The following ACACB variants were observed in gnomAD, a reference collection of about 807,000 sequenced individuals.
ACACB encodes the protein acetyl-CoA carboxylase 2.
Under a neutral mutation model 278.8 loss-of-function variants are expected in ACACB, and 209 were observed. The ratio of observed to expected loss-of-function variants is 0.75; its 90% CI spans 0.67 to 0.84. The LOEUF is 0.84. Among genes scored for constraint, ACACB ranks in the 40% least tolerant of loss-of-function variants. The probability of loss-of-function intolerance (pLI) is 0.00; values close to 1 mark genes in which losing one functional copy is unlikely to be tolerated. For missense variants in ACACB, 2,850 were observed against 3,269.0 expected (o/e 0.87, Z 3.13); for synonymous variants, 1,174 against 1,285.6 (o/e 0.91, Z 1.86).
At chr12:109,244,012 T>C (rs1054469234) in intron 37 of ACACB, among the ~76,000 whole-genome samples, 10 of 152,080 alleles carry the variant, frequency 6.6e-5, no homozygotes, top group African/African-American at 2.4e-4. Context: ...CTAAAGAGCT[T>C]CTGCACAGCA....
chr12:109,126,124 G>T (rs1458034723), intron 1 of ACACB, among the ~76,000 whole-genome samples: 1 of 152,220 alleles, frequency 6.6e-6, no homozygotes, highest in Non-Finnish European at 1.5e-5. Flanking sequence ...ACAGCAGGGG[G>T]AGAAGCGAAG....
At chr12:109,113,657 A>G (rs2042350570), upstream of ACACB, among the ~76,000 whole-genome samples, 1 of 152,230 alleles carries the variant, frequency 6.6e-6, no homozygotes, top group African/African-American at 2.4e-5. Context: ...CTCTGTTCAA[A>G]TTCACTTTCT....
In ACACB at chr12:109,166,679, C is replaced by CAAAAAAAA. The variant is rs1225818948; in HGVS notation, c.654-182_654-181insAAAAAAAA. Among the ~76,000 whole-genome samples the CAAAAAAAA allele has an allele frequency of 8.8e-3, 183 of 20,770 alleles. 38 individuals are homozygous for CAAAAAAAA. Among genetic ancestry groups the CAAAAAAAA allele is most frequent in the Non-Finnish European group, 0.019 (125 of 6,482 alleles). 13.6% of individuals were successfully genotyped at this position (20,770 alleles called of 152,430 possible). On this transcript the variant is annotated intron_variant, in intron 2 of 52. Transcript: ENST00000338432. The stretch of plus-strand genomic sequence containing the variant: ...AAAAAAAAAAAAAAAAAAAAAAAAC[C>CAAAAAAAA]GAAGGTGCTTCCTGCCCTTGAGCCT...
intron 38 of ACACB, 103 bp downstream of exon 38, chr12:109,245,851 G>C: frequency 7.1e-7 from 1 of 1,414,212 alleles, no homozygotes; most frequent in Non-Finnish European, 9.6e-7. Context: ...TGCTTTGGGA[G>C]GCCAAGGTGG....
chr12:109,166,987 C>T lies in ACACB; in HGVS notation c.780C>T (p.Ile260=), dbSNP rs188913842. 1.1e-5 allele frequency: 18 copies of T among 1,613,752 alleles called. No individual in the cohort carries two copies. The East Asian group carries it at 1.8e-4, about 16-fold the overall frequency. ...CACGCTTTGGGGGGGATCGGGTCAT[C>T]GAGAAGGTACAGATGGGTCTCGGCA... ...FVTRFGGDRV[I]EKVLIANNGI... Residue 260 remains isoleucine (I), a synonymous_variant, in exon 3 of 53, where the codon ATC becomes ATT. Transcript: ENST00000338432.
At chr12:109,235,458 G>A in intron 32 of ACACB, 89 bp downstream of exon 32, 1 of 1,474,468 alleles carries the variant, frequency 6.8e-7, no homozygotes, top group South Asian at 1.1e-5. Flanking sequence ...GTAGATTTGG[G>A]TGAAAGAGAT....
At chr12:109,190,652 G>A (rs991258359) in intron 13 of ACACB, among the ~76,000 whole-genome samples, 4 of 151,838 alleles carry the variant, frequency 2.6e-5, no homozygotes, top group Non-Finnish European at 5.9e-5. Flanking sequence ...TTAAGAGATA[G>A]CGTCTCACTG....
chr12:109,240,779 G>A (rs2046773553), intron 35 of ACACB, among the ~76,000 whole-genome samples: 1 of 152,050 alleles, frequency 6.6e-6, no homozygotes, highest in Non-Finnish European at 1.5e-5. Context: ...GGCATGTAAA[G>A]ATAGTATAAC....
At chr12:109,258,017 G>A (rs1166220117) in intron 45 of ACACB, among the ~76,000 whole-genome samples, 1 of 152,222 alleles carries the variant, frequency 6.6e-6, no homozygotes, top group African/African-American at 2.4e-5. Context: ...AGTTCTAGTG[G>A]TTCATGCTGC....
At chr12:109,192,959 C>T (rs1411139144) in intron 15 of ACACB, among the ~76,000 whole-genome samples, 1 of 152,194 alleles carries the variant, frequency 6.6e-6, no homozygotes, top group Admixed American at 6.5e-5. Flanking sequence ...GCCACTGTGC[C>T]TGGTAAGAAA....
chr12:109,214,557 T>C (rs916099366), intron 22 of ACACB, among the ~76,000 whole-genome samples: 9 of 152,238 alleles, frequency 5.9e-5, no homozygotes, highest in Non-Finnish European at 1.3e-4. Context: ...GAACCATTAA[T>C]AAATTAACTG....
At chr12:109,160,099 A>AC (rs1392465316) in intron 2 of ACACB, among the ~76,000 whole-genome samples, 405 of 151,590 alleles carry the variant, frequency 2.7e-3, no homozygotes, top group African/African-American at 8.8e-3. Flanking sequence ...CAAAAAAAAA[A>AC]AAAAAACCAA....
Position 109,222,631 on chromosome 12 carries a change from A to G in ACACB, c.3678+11A>G, listed in dbSNP as rs2136516160. ...CTCAGAGCCCGGCAGGTAGGGTCTC[A>G]GGGTGCGGTCCCCACGATGTGCGTT... On this transcript the variant is annotated intron_variant, in intron 25 of 52. Transcript: ENST00000338432. The G allele has an allele frequency of 3.1e-6, 5 of 1,610,778 alleles. No homozygotes were observed. The highest frequency in any genetic ancestry group is 4.2e-6 in the Non-Finnish European group (5 of 1,177,016).
At position 109,253,159 on chromosome 12, in the gene ACACB, G is replaced by T. The variant is rs1245027127; in HGVS notation, c.6045+1G>T. ...GGAGTGGCTGTCCTATATGCCAAAG[G>T]TGCAGTACTCCCCCTGCAGCTTAGA... is the stretch of plus-strand genomic sequence containing the variant. On this transcript the variant is annotated splice_donor_variant, in intron 43 of 52. Transcript: ENST00000338432. LOFTEE classifies it high-confidence loss of function. 2 of 1,571,350 alleles carry T rather than the reference G, an allele frequency of 1.3e-6. No homozygotes were observed. Among genetic ancestry groups the T allele is most frequent in the African/African-American group, 1.3e-5 (1 of 74,100 alleles).
intron 31 of ACACB, among the ~76,000 whole-genome samples, chr12:109,234,711 A>G (rs1351433166): frequency 2.0e-5 from 3 of 151,890 alleles, no homozygotes; most frequent in Non-Finnish European, 4.4e-5. Flanking sequence ...CAGAAAACCA[A>G]ACACCGCATG....
rs777681543 is a variant in ACACB at position 109,216,682 on chromosome 12, C to A, written c.3415C>A (p.Arg1139Ser). 5 of 1,614,188 alleles carry A rather than the reference C, an allele frequency of 3.1e-6. No individual in the cohort carries two copies. In the South Asian group the frequency reaches 5.5e-5, roughly 18 times the overall value. ...GTTGGATCTCCTGAGAAGATACTTG[C>A]GTGTTGAGCACCATTTTCAGCAAGG... ...VVLDLLRRYL[R>S]VEHHFQQAHY... is the part of the protein sequence containing the mutation. The change falls in exon 23 of 53, where the codon CGT becomes AGT. Residue 1139 changes from arginine (R) to serine (S), a missense_variant. Physicochemically the swap from Arg to Ser is moderately radical, Grantham distance 110. This residue lies in a region of ACACB where 2,265 missense variants were observed against 2,561.3 expected (regional missense o/e 0.88). Coordinates refer to ENST00000338432, the MANE Select transcript of ACACB (RefSeq NM_001093.4).
chr12:109,164,662 A>G (rs1179612844), intron 2 of ACACB, among the ~76,000 whole-genome samples: 3 of 151,878 alleles, frequency 2.0e-5, no homozygotes, highest in Admixed American at 2.0e-4. Context: ...CTTCTACCTT[A>G]GCCTCCTGAG....
intron 4 of ACACB, among the ~76,000 whole-genome samples, chr12:109,168,338 C>G (rs918220379): frequency 7.2e-5 from 11 of 152,300 alleles, no homozygotes; most frequent in Middle Eastern, 3.4e-3. Flanking sequence ...GTATTTCAAT[C>G]ATTTGTTCAT....
Position 109,234,001 on chromosome 12 carries a change from G to A in ACACB, c.4303G>A (p.Asp1435Asn). ...CATCCAGTGTGCAGACCACCTGGAG[G>A]ATGAGGCACTGGTGCCGATTTTACG... ...VSIQCADHLE[D>N]EALVPILRTF... is the part of the protein sequence containing the mutation. Residue 1435 changes from aspartate (D) to asparagine (N), a missense_variant, in exon 31 of 53, where the codon GAT (aspartate) becomes AAT (asparagine). Coordinates refer to ENST00000338432, the MANE Select transcript of ACACB (RefSeq NM_001093.4). 2 of 1,614,092 alleles carry A rather than the reference G, an allele frequency of 1.2e-6. No individual in the cohort carries two copies. The highest frequency in any genetic ancestry group is 1.1e-5 in the South Asian group (1 of 91,040).
Sources: gnomAD v4.1 joint callset for allele counts (sites outside exome capture counted in the v4.1 genomes callset) on GRCh38, gnomAD v4.1.1 for gene constraint, gnomAD v4.1.1 regional missense constraint, MANE v1.5 for transcripts, NCBI Gene and HGNC (gene_info 2026-07-23, HGNC 2026-07-21) for gene names.